The following NRG3 variants were observed in gnomAD, a reference collection of about 807,000 sequenced individuals.
The protein encoded by NRG3 is neuregulin 3, also known as pro-neuregulin-3, membrane-bound isoform.
In NRG3, 31 loss-of-function variants were observed where a neutral mutation model predicts 66.9. The observed-to-expected ratio is 0.46, with a 90% CI of 0.35 to 0.63. The LOEUF (loss-of-function observed/expected upper bound fraction) is 0.63, where lower values mean the gene tolerates loss of function less well. Ranked by LOEUF, NRG3 falls within the 20% of genes least tolerant of loss-of-function variation. NRG3 has a pLI of 0.00. For missense variants in NRG3, 910 were observed against 878.9 expected (o/e 1.04, Z -0.45); for synonymous variants, 393 against 359.4 (o/e 1.09, Z -1.06).
At chr10:82,252,409 T>C (rs1048237048) in intron 1 of NRG3, among the ~76,000 whole-genome samples, 3 of 152,274 alleles carry the variant, frequency 2.0e-5, no homozygotes, top group Admixed American at 6.5e-5. Flanking sequence ...ATTAATCCCA[T>C]TTATACATGG....
intron 2 of NRG3, among the ~76,000 whole-genome samples, chr10:82,624,076 T>C (rs1490522113): frequency 2.6e-5 from 4 of 152,182 alleles, no homozygotes; most frequent in African/African-American, 9.6e-5. Context: ...CTCTACTTAA[T>C]ACCTCTGGGT....
At chr10:82,924,703 T>C (rs1388890313) in intron 4 of NRG3, among the ~76,000 whole-genome samples, 2 of 152,136 alleles carry the variant, frequency 1.3e-5, no homozygotes, top group Non-Finnish European at 2.9e-5. Context: ...ATTTCAAGCT[T>C]CTTCACTGTA....
At chr10:82,931,856 C>T (rs181621700) in intron 4 of NRG3, among the ~76,000 whole-genome samples, 3 of 152,288 alleles carry the variant, frequency 2.0e-5, no homozygotes, top group Admixed American at 2.0e-4. Context: ...AAAGAGCAAA[C>T]ATTTATGGCA....
intron 2 of NRG3, among the ~76,000 whole-genome samples, chr10:82,737,664 G>A (rs2134731444): frequency 6.6e-6 from 1 of 152,168 alleles, no homozygotes; most frequent in East Asian, 1.9e-4. Context: ...ACCAGTAAAT[G>A]CCACCTCCCC....
intron 1 of NRG3, among the ~76,000 whole-genome samples, chr10:82,079,244 C>T (rs1486675354): frequency 6.6e-6 from 1 of 151,892 alleles, no homozygotes; most frequent in African/African-American, 2.4e-5. Context: ...GGAGTTTCAC[C>T]AGGTTGGCCA....
At chr10:82,623,733 A>T (rs2049205170) in intron 2 of NRG3, among the ~76,000 whole-genome samples, 1 of 152,142 alleles carries the variant, frequency 6.6e-6, no homozygotes, top group African/African-American at 2.4e-5. Context: ...AATAATTATG[A>T]CATTTATTTT....
intron 3 of NRG3, among the ~76,000 whole-genome samples, chr10:82,842,474 T>C (rs1344790362): frequency 6.6e-6 from 1 of 152,210 alleles, no homozygotes; most frequent in African/African-American, 2.4e-5. Flanking sequence ...GAAACTTGGC[T>C]CTGCTTACCT....
intron 2 of NRG3, among the ~76,000 whole-genome samples, chr10:82,540,141 C>T (rs2043438259): frequency 6.6e-6 from 1 of 151,576 alleles, no homozygotes; most frequent in Non-Finnish European, 1.5e-5. Context: ...TTTTTTTCAG[C>T]TTGCTATTTT....
At chr10:82,897,773 G>T (rs1301609122) in intron 4 of NRG3, among the ~76,000 whole-genome samples, 1 of 152,252 alleles carries the variant, frequency 6.6e-6, no homozygotes, top group African/African-American at 2.4e-5. Context: ...ACCCGCCTCA[G>T]CCTCCCAAAG....
At chr10:81,965,870 A>T (rs961467215) in intron 1 of NRG3, among the ~76,000 whole-genome samples, 1 of 152,114 alleles carries the variant, frequency 6.6e-6, no homozygotes, top group Admixed American at 6.5e-5. Context: ...CCTAACTCTT[A>T]TTTCTTATTT....
rs11528227 is a variant in NRG3 at position 82,436,950 on chromosome 10, C to T, written c.953+78082C>T. ...CCCTTTGTAGATGATCTGGCCTTTC[C>T]CTCTGGCTGCCCTTAACAGTTTTTC... On this transcript the variant is annotated intron_variant, in intron 2 of 8. Transcript: ENST00000372141. 5.3e-4 allele frequency among the ~76,000 whole-genome samples: 81 copies of T among 152,188 alleles called. No homozygotes were observed. In the East Asian group the frequency reaches 0.013, roughly 24 times the overall value.
intron 1 of NRG3, among the ~76,000 whole-genome samples, chr10:82,043,717 G>A (rs1410473288): frequency 1.3e-5 from 2 of 151,978 alleles, no homozygotes; most frequent in African/African-American, 4.8e-5. Flanking sequence ...TCTAATGCTT[G>A]TAATACAGTA....
chr10:82,958,713 C>T (rs1348527804), intron 5 of NRG3, among the ~76,000 whole-genome samples: 1 of 152,128 alleles, frequency 6.6e-6, no homozygotes, highest in Non-Finnish European at 1.5e-5. Context: ...AAATGTTTGT[C>T]TGCTTTTGGG....
chr10:82,563,063 C>T (rs553362894), intron 2 of NRG3, among the ~76,000 whole-genome samples: 11 of 151,962 alleles, frequency 7.2e-5, no homozygotes, highest in Admixed American at 6.6e-4. Flanking sequence ...TGTATACCCA[C>T]GTATATAATA....
At chr10:82,799,112 A>G (rs373029682) in intron 3 of NRG3, among the ~76,000 whole-genome samples, 1 of 152,350 alleles carries the variant, frequency 6.6e-6, no homozygotes, top group Non-Finnish European at 1.5e-5. Flanking sequence ...CAGGGGCTAG[A>G]TAATTTCCAA....
Position 81,906,308 on chromosome 10 carries a change from A to T in NRG3, c.823+30145A>T, listed in dbSNP as rs556436589. Among the ~76,000 whole-genome samples the T allele has an allele frequency of 5.9e-5, 9 of 152,298 alleles. No homozygotes were observed. The South Asian group carries it at 1.7e-3, about 28-fold the overall frequency. ...GCTCTTCAATACAGTATGCAGCCAA[A>T]TGTTCGTTTCCCAGATGCTCTCATT... On this transcript the variant is annotated intron_variant, in intron 1 of 8. Coordinates refer to ENST00000372141, the MANE Select transcript of NRG3 (RefSeq NM_001010848.4).
chr10:82,296,858 C>T (rs2080092844), intron 1 of NRG3, among the ~76,000 whole-genome samples: 1 of 151,662 alleles, frequency 6.6e-6, no homozygotes, highest in African/African-American at 2.4e-5. Flanking sequence ...GGGATTTGGA[C>T]TTCTAGTGAA....
At chr10:82,833,515 T>C (rs2062630304) in intron 3 of NRG3, among the ~76,000 whole-genome samples, 1 of 152,188 alleles carries the variant, frequency 6.6e-6, no homozygotes. Context: ...ACTGCTTTCC[T>C]GGCCTCCCAC....
At chr10:82,287,182 A>T (rs1030191661) in intron 1 of NRG3, among the ~76,000 whole-genome samples, 1 of 151,974 alleles carries the variant, frequency 6.6e-6, no homozygotes, top group Non-Finnish European at 1.5e-5. Context: ...TGTTTGGGTC[A>T]TGGGGCAGGT....
Sources: gnomAD v4.1 joint callset for allele counts (sites outside exome capture counted in the v4.1 genomes callset) on GRCh38, gnomAD v4.1.1 for gene constraint, MANE v1.5 for transcripts, NCBI Gene and HGNC (gene_info 2026-07-23, HGNC 2026-07-21) for gene names.